Variants in PAPPA2 observed in about 807,000 individuals in gnomAD.
PAPPA2 encodes the protein pappalysin-2.
PAPPA2 carries 86 observed loss-of-function variants against 176.4 expected under a neutral mutation model. The ratio of observed to expected loss-of-function variants is 0.49; its 90% confidence interval spans 0.41 to 0.58. The LOEUF (loss-of-function observed/expected upper bound fraction) is 0.58, where lower values mean the gene tolerates loss of function less well. Ranked by LOEUF, PAPPA2 falls within the 20% of genes least tolerant of loss-of-function variation. The pLI, the probability that PAPPA2 is intolerant of heterozygous loss-of-function variation, is 0.00. For synonymous variants in PAPPA2, 809 were observed against 852.2 expected (o/e 0.95, Z 0.88); for missense variants, 2,073 against 2,256.9 (o/e 0.92, Z 1.65).
intron 3 of PAPPA2, among the ~76,000 whole-genome samples, chr1:176,596,460 T>C (rs1234615082): frequency 1.3e-5 from 2 of 152,220 alleles, no homozygotes; most frequent in African/African-American, 2.4e-5. Context: ...TGGTGGGCTC[T>C]CTCTTGTCAT....
intron 12 of PAPPA2, among the ~76,000 whole-genome samples, chr1:176,719,875 A>T (rs1345484300): frequency 6.6e-6 from 1 of 152,220 alleles, no homozygotes; most frequent in Non-Finnish European, 1.5e-5. Context: ...TAACGTAAGT[A>T]TACACTTTTT....
At chr1:176,505,373 C>T (rs543865136) in intron 1 of PAPPA2, among the ~76,000 whole-genome samples, 16 of 152,060 alleles carry the variant, frequency 1.1e-4, no homozygotes, top group Non-Finnish European at 1.5e-4. Context: ...CCATTATAAA[C>T]GACTAAAACA....
intron 15 of PAPPA2, among the ~76,000 whole-genome samples, chr1:176,768,708 G>A (rs1664086052): frequency 6.6e-6 from 1 of 152,124 alleles, no homozygotes; most frequent in Non-Finnish European, 1.5e-5. Flanking sequence ...GGCCCTCTTA[G>A]GTGCTCGATA....
At chr1:176,641,155 G>A (rs1174885459) in intron 3 of PAPPA2, among the ~76,000 whole-genome samples, 21 of 150,676 alleles carry the variant, frequency 1.4e-4, no homozygotes, top group African/African-American at 2.4e-4. Flanking sequence ...GTTCACTCTG[G>A]TGGTAGTTTC....
chr1:176,660,430 C>CT (rs943025919), intron 3 of PAPPA2, among the ~76,000 whole-genome samples: 1 of 151,836 alleles, frequency 6.6e-6, no homozygotes, highest in Non-Finnish European at 1.5e-5. Context: ...ATAATTATAA[C>CT]TTTTTTGAGG....
chr1:176,781,176 G>A (rs1219932302), intron 17 of PAPPA2, among the ~76,000 whole-genome samples: 1 of 151,998 alleles, frequency 6.6e-6, no homozygotes, highest in Non-Finnish European at 1.5e-5. Flanking sequence ...GGGTTTAGGT[G>A]TTCAGACCTA....
chr1:176,574,297 T>C (rs1274676461), intron 2 of PAPPA2, among the ~76,000 whole-genome samples: 1 of 152,192 alleles, frequency 6.6e-6, no homozygotes, highest in Non-Finnish European at 1.5e-5. Flanking sequence ...GAATTAATTT[T>C]GTCTTCTCCA....
intron 15 of PAPPA2, among the ~76,000 whole-genome samples, chr1:176,767,562 G>C (rs61821263): frequency 0.075 from 11,425 of 152,242 alleles, 503 homozygotes; most frequent in Non-Finnish European, 0.1. Flanking sequence ...CAGCCAGAAT[G>C]GTCTCCATCT....
At chr1:176,743,564 C>CA (rs1188675214) in intron 14 of PAPPA2, among the ~76,000 whole-genome samples, 1 of 152,180 alleles carries the variant, frequency 6.6e-6, no homozygotes, top group Non-Finnish European at 1.5e-5. Flanking sequence ...GGCAAACCTC[C>CA]AACCATCCCA....
chr1:176,761,736 T>G lies in PAPPA2; in HGVS notation c.4152-3930T>G, dbSNP rs528165329. 2.6e-5 allele frequency among the ~76,000 whole-genome samples: 4 copies of G among 152,308 alleles called. 1 individual carries two copies. In the South Asian group the frequency reaches 8.3e-4, roughly 32 times the overall value. On this transcript the variant is annotated intron_variant, in intron 14 of 22. Transcript: ENST00000367662. ...AGAGTGAGGGCTCTGAGATCCAGCC[T>G]GAGGATTTTCCTCTGACTTGCTGTG...
rs557674568 is a variant in PAPPA2 at position 176,645,305 on chromosome 1, A to G, written c.1992-25665A>G. 2.0e-5 allele frequency among the ~76,000 whole-genome samples: 3 copies of G among 151,764 alleles called. No homozygotes were observed. In the South Asian group the frequency reaches 6.2e-4, roughly 31 times the overall value. ...TCTACCCTCTATCTTTATGAGATCC[A>G]TGTTTATTAGCTCCCACATATGAAT... On this transcript the variant is annotated intron_variant, in intron 3 of 22. Coordinates refer to ENST00000367662, the MANE Select transcript of PAPPA2 (RefSeq NM_020318.3).
intron 21 of PAPPA2, among the ~76,000 whole-genome samples, chr1:176,817,784 T>G (rs1666466951): frequency 1.3e-5 from 2 of 151,396 alleles, no homozygotes; most frequent in Non-Finnish European, 2.9e-5. Context: ...GAGAAGATAA[T>G]GGGCTTGGCT....
intron 1 of PAPPA2, among the ~76,000 whole-genome samples, chr1:176,484,315 T>C (rs181431208): frequency 6.6e-6 from 1 of 152,334 alleles, no homozygotes; most frequent in East Asian, 1.9e-4. Context: ...AATATATATG[T>C]GTATGTGTAG....
At chr1:176,558,291 A>G (rs1281034191) in intron 2 of PAPPA2, among the ~76,000 whole-genome samples, 2 of 152,240 alleles carry the variant, frequency 1.3e-5, no homozygotes, top group African/African-American at 4.8e-5. Flanking sequence ...AATAAAAGGC[A>G]TGCCAGGCAG....
At chr1:176,527,714 T>C (rs865789920) in intron 1 of PAPPA2, among the ~76,000 whole-genome samples, 1 of 152,188 alleles carries the variant, frequency 6.6e-6, no homozygotes, top group Admixed American at 6.5e-5. Context: ...CTAGTGTTAT[T>C]TGATGACTGT....
chr1:176,500,923 C>T (rs1051048298), intron 1 of PAPPA2, among the ~76,000 whole-genome samples: 2 of 151,922 alleles, frequency 1.3e-5, no homozygotes, highest in Non-Finnish European at 2.9e-5. Context: ...AATTGGTTTT[C>T]CTTTACAGTA....
At chr1:176,639,746 C>A (rs899048489) in intron 3 of PAPPA2, among the ~76,000 whole-genome samples, 4 of 148,312 alleles carry the variant, frequency 2.7e-5, no homozygotes, top group Non-Finnish European at 5.9e-5. Context: ...TGGAGTTTCG[C>A]TCTTGTTGCC....
chr1:176,628,572 T>C (rs570533099), intron 3 of PAPPA2, among the ~76,000 whole-genome samples: 2 of 152,302 alleles, frequency 1.3e-5, no homozygotes, highest in Admixed American at 1.3e-4. Context: ...TGTTTTGTAA[T>C]GCTATTGTTT....
chr1:176,600,661 G>A, intron 3 of PAPPA2, among the ~76,000 whole-genome samples: 1 of 130,310 alleles, frequency 7.7e-6, no homozygotes, highest in East Asian at 2.1e-4. Context: ...GGGCGACAGA[G>A]CGAGACTCCG....
Sources: gnomAD v4.1 joint callset for allele counts (sites outside exome capture counted in the v4.1 genomes callset) on GRCh38, gnomAD v4.1.1 for gene constraint, MANE v1.5 for transcripts, NCBI Gene and HGNC (gene_info 2026-07-23, HGNC 2026-07-21) for gene names.